Variants in WASHC4 observed in about 807,000 individuals in gnomAD.
The protein encoded by WASHC4 is WASH complex subunit 4, also known as WASH complex subunit 7.
Under a neutral mutation model 166.6 loss-of-function variants are expected in WASHC4, and 86 were observed. That is an observed-to-expected ratio of 0.52 (90% confidence interval 0.43 to 0.62). WASHC4 has a LOEUF of 0.62. WASHC4 is among the 20% of genes least tolerant of loss of function. The pLI is 0.00. For synonymous variants in WASHC4, 446 were observed against 451.6 expected, an observed-to-expected ratio of 0.99 and a Z score of 0.16; for missense variants, 1,262 against 1,382.4, an observed-to-expected ratio of 0.91 and a Z score of 1.38.
chr12:105,140,922 A>T lies in WASHC4; in HGVS notation c.1584A>T (p.Lys528Asn). 6.2e-7 allele frequency: 1 copy of T among 1,614,140 alleles called. No individual in the cohort carries two copies. Among genetic ancestry groups the T allele is most frequent in the Non-Finnish European group, 8.5e-7 (1 of 1,180,018 alleles). ...VAKKRVISDK[K>N]YSEQRLDVLS... Reference sequence around the variant, plus strand: ...AGAAAAGAGTGATTTCTGACAAAAAATACAGCGAACAGCGTCTTGATGTGC... The same window carrying T: ...AGAAAAGAGTGATTTCTGACAAAAATTACAGCGAACAGCGTCTTGATGTGC... Residue 528 changes from lysine to asparagine, a missense_variant, in exon 17 of 33, where the codon AAA becomes AAT. Lys to Asn is a moderately conservative substitution (Grantham distance 94). Transcript: ENST00000332180.
At chr12:105,146,858 C>T (rs1436939667) in intron 23 of WASHC4, among the ~76,000 whole-genome samples, 184 bp from the exon 24 acceptor site, 1 of 152,022 alleles carries the variant, frequency 6.6e-6, no homozygotes, top group Non-Finnish European at 1.5e-5. Flanking sequence ...TCAAAGGAAA[C>T]GCTCATTGGA....
Position 105,148,085 on chromosome 12 carries a change from A to G in WASHC4, c.2514+939A>G, listed in dbSNP as rs549293575. ...ATGCTTAAGTAGTACAGTATTATTAAACACATTTGGAGTAGGGAATTGGGA... is the reference window on the plus strand; with the variant it reads ...ATGCTTAAGTAGTACAGTATTATTAGACACATTTGGAGTAGGGAATTGGGA... On this transcript the variant is annotated intron_variant, in intron 24 of 32. Transcript: ENST00000332180. 9.8e-5 allele frequency: 97 copies of G among 985,282 alleles called. 7 individuals are homozygous for G. Among genetic ancestry groups the G allele is most frequent in the Non-Finnish European group, 2.5e-5 (21 of 829,906 alleles). 61.0% of individuals were successfully genotyped at this position (985,282 alleles called of 1,614,324 possible).
intron 1 of WASHC4, 71 bp from the exon 2 acceptor site, chr12:105,111,054 G>A: frequency 1.8e-6 from 2 of 1,120,228 alleles, no homozygotes; most frequent in Non-Finnish European, 2.7e-6. Context: ...GACTTTTGAG[G>A]TTATTTGAAG....
chr12:105,160,279 G>A (rs1592920871), intron 29 of WASHC4, 131 bp downstream of exon 29: 2 of 750,578 alleles, frequency 2.7e-6, no homozygotes, highest in East Asian at 5.1e-5. Flanking sequence ...AAAACTAAAT[G>A]TGATCTCAGT....
At chr12:105,130,572 A>G (rs1881705694) in intron 13 of WASHC4, among the ~76,000 whole-genome samples, 1 of 152,222 alleles carries the variant, frequency 6.6e-6, no homozygotes, top group Non-Finnish European at 1.5e-5. Flanking sequence ...ACTCAGAGGG[A>G]TGATGTGATC....
intron 24 of WASHC4, chr12:105,147,596 T>C: frequency 9.9e-7 from 1 of 1,008,242 alleles, no homozygotes; most frequent in Non-Finnish European, 1.2e-6. Flanking sequence ...TAAAAATATA[T>C]TGAATCTTCT....
chr12:105,125,289 A>G (rs193281255), intron 10 of WASHC4, among the ~76,000 whole-genome samples: 1 of 152,342 alleles, frequency 6.6e-6, no homozygotes, highest in East Asian at 1.9e-4. Context: ...ACACTTTTGA[A>G]AAAAACTTGC....
intron 14 of WASHC4, among the ~76,000 whole-genome samples, chr12:105,136,507 TC>T (rs1882330468): frequency 6.6e-6 from 1 of 152,172 alleles, no homozygotes; most frequent in Non-Finnish European, 1.5e-5. Flanking sequence ...GACTACCCTC[TC>T]CCTCACAATT....
Position 105,126,013 on chromosome 12 carries a change from GAAC to G in WASHC4, c.802_804del (p.Gln268del), listed in dbSNP as rs1881248637. The G allele has an allele frequency of 1.9e-6, 3 of 1,612,180 alleles. No homozygotes were observed. The highest frequency in any genetic ancestry group is 3.3e-5 in the Admixed American group (2 of 59,962). Reference sequence around the variant, plus strand: ...AATGTTTCCTGTCTAGGCCTGTATAGAACAACAATTTGATTCTCTCAATGGAGG... The same window carrying G: ...AATGTTTCCTGTCTAGGCCTGTATAGAACAATTTGATTCTCTCAATGGAGG... On this transcript the variant is annotated inframe_deletion, in exon 11 of 33. Transcript: ENST00000332180.
At position 105,149,598 on chromosome 12, in the gene WASHC4, G is replaced by C. The variant is rs765930825; in HGVS notation, c.2515-17G>C. ...TTATATTAACTTTTTTCAACTTTTTGAATTTTAATTTTATAGGTTAATTTC... is the reference window on the plus strand; with the variant it reads ...TTATATTAACTTTTTTCAACTTTTTCAATTTTAATTTTATAGGTTAATTTC... On this transcript the variant is annotated splice_polypyrimidine_tract_variant and intron_variant, in intron 24 of 32. Coordinates refer to ENST00000332180, the MANE Select transcript of WASHC4 (RefSeq NM_015275.3). The C allele has an allele frequency of 7.3e-7, 1 of 1,375,566 alleles. No individual in the cohort carries two copies. The highest frequency in any genetic ancestry group is 1.0e-6 in the Non-Finnish European group (1 of 979,162). 85.2% of individuals were successfully genotyped at this position (1,375,566 alleles called of 1,614,324 possible).
intron 26 of WASHC4, among the ~76,000 whole-genome samples, chr12:105,152,854 A>G (rs997404050): frequency 1.3e-5 from 2 of 152,178 alleles, no homozygotes; most frequent in African/African-American, 2.4e-5. Context: ...ATTAAGTTCT[A>G]TGTTACACCA....
At chr12:105,163,665 C>T (rs1325701316) in intron 30 of WASHC4, among the ~76,000 whole-genome samples, 2 of 152,074 alleles carry the variant, frequency 1.3e-5, no homozygotes, top group East Asian at 3.9e-4. Context: ...CCACATCTGG[C>T]TAATTAAAAA....
intron 10 of WASHC4, among the ~76,000 whole-genome samples, chr12:105,124,434 G>A (rs1357797421): frequency 6.6e-6 from 1 of 151,720 alleles, no homozygotes; most frequent in African/African-American, 2.4e-5. Context: ...TCTGTGAGGT[G>A]TGCCTGTATT....
intron 8 of WASHC4, 74 bp from the exon 9 acceptor site, chr12:105,121,027 T>G: frequency 1.0e-6 from 1 of 969,216 alleles, no homozygotes; most frequent in Non-Finnish European, 1.7e-6. Context: ...CCAAATGATT[T>G]TACTTTAAAC....
At chr12:105,110,850 GGGGTAGATGGGCTAGT>G (rs1879616244) in intron 1 of WASHC4, among the ~76,000 whole-genome samples, 1 of 152,062 alleles carries the variant, frequency 6.6e-6, no homozygotes, top group East Asian at 1.9e-4. Context: ...CTCTATTATG[GGGGTAGATGGGCTAGT>G]GGCTTTTTCA....
chr12:105,150,499 T>C (rs79092886), intron 25 of WASHC4, among the ~76,000 whole-genome samples: 1 of 152,212 alleles, frequency 6.6e-6, no homozygotes, highest in South Asian at 2.1e-4. Flanking sequence ...CGAATGCTGC[T>C]GTTAGCAGGG....
chr12:105,117,688 G>A (rs1361971237), intron 6 of WASHC4, among the ~76,000 whole-genome samples: 1 of 152,076 alleles, frequency 6.6e-6, no homozygotes, highest in Non-Finnish European at 1.5e-5. Context: ...AACTGTTATT[G>A]GTGCTGGTGA....
At chr12:105,166,252 A>G (rs1166131642) in intron 32 of WASHC4, among the ~76,000 whole-genome samples, 3 of 152,190 alleles carry the variant, frequency 2.0e-5, no homozygotes, top group African/African-American at 7.2e-5. Context: ...TGAATACATT[A>G]CTCAAATAGT....
intron 15 of WASHC4, among the ~76,000 whole-genome samples, chr12:105,140,060 A>T (rs1324878102): frequency 6.6e-6 from 1 of 151,814 alleles, no homozygotes; most frequent in Non-Finnish European, 1.5e-5. Context: ...TTTAGTAGAG[A>T]CAGGGTTTCA....
Sources: allele counts gnomAD v4.1 joint callset (sites outside exome capture counted in the v4.1 genomes callset), GRCh38; gene constraint gnomAD v4.1.1; transcripts MANE v1.5; gene names NCBI Gene and HGNC (gene_info 2026-07-23, HGNC 2026-07-21).